Variants in SGMS1 observed in about 807,000 individuals in gnomAD.
SGMS1 encodes the protein phosphatidylcholine:ceramide cholinephosphotransferase 1.
SGMS1 carries 13 observed loss-of-function variants against 46.2 expected under a neutral mutation model. The observed-to-expected ratio is 0.28, with a 90% CI of 0.18 to 0.45. The LOEUF (loss-of-function observed/expected upper bound fraction) is 0.45. Ranked by LOEUF, SGMS1 falls within the 20% of genes least tolerant of loss-of-function variation. SGMS1 has a pLI of 1.00. For synonymous variants in SGMS1, 203 were observed against 187.8 expected (o/e 1.08, Z -0.66); for missense variants, 324 against 519.9 (o/e 0.62, Z 3.66).
intron 2 of SGMS1, among the ~76,000 whole-genome samples, chr10:50,551,664 A>G (rs569201892): frequency 3.3e-5 from 5 of 152,216 alleles, no homozygotes; most frequent in East Asian, 1.9e-4. Context: ...CTGTAAATCT[A>G]AAAGTATTCT....
chr10:50,519,363 C>G (rs924178030), intron 3 of SGMS1, among the ~76,000 whole-genome samples: 5 of 152,336 alleles, frequency 3.3e-5, no homozygotes, highest in Non-Finnish European at 7.3e-5. Flanking sequence ...CTGTTCAACT[C>G]CAGAGAAGAA....
intron 4 of SGMS1, among the ~76,000 whole-genome samples, chr10:50,462,871 C>T (rs994310509): frequency 6.6e-6 from 1 of 151,922 alleles, no homozygotes; most frequent in South Asian, 2.1e-4. Context: ...GCCTGTGAAG[C>T]AAAAAGCCAG....
chr10:50,469,950 TC>T (rs1264645857), intron 3 of SGMS1, among the ~76,000 whole-genome samples: 1 of 152,210 alleles, frequency 6.6e-6, no homozygotes, highest in East Asian at 1.9e-4. Context: ...ACTTATTACT[TC>T]CTCTTAGATT....
intron 6 of SGMS1, among the ~76,000 whole-genome samples, chr10:50,345,488 G>A (rs1275934999): frequency 3.9e-5 from 6 of 152,028 alleles, no homozygotes; most frequent in Admixed American, 1.3e-4. Flanking sequence ...ATAACCAAAT[G>A]CACATCTGTA....
chr10:50,453,968 A>ACAAAG (rs1293851791), intron 5 of SGMS1, among the ~76,000 whole-genome samples: 1 of 151,656 alleles, frequency 6.6e-6, no homozygotes, highest in Non-Finnish European at 1.5e-5. Flanking sequence ...ACTCCTAAAA[A>ACAAAG]CAAAGCAAAA....
chr10:50,315,751 T>A (rs901462767), intron 8 of SGMS1, among the ~76,000 whole-genome samples: 7 of 152,202 alleles, frequency 4.6e-5, no homozygotes, highest in Non-Finnish European at 1.0e-4. Context: ...ATAAAAACTT[T>A]CAGTGGATAC....
chr10:50,379,924 A>G (rs1848577290), intron 6 of SGMS1, among the ~76,000 whole-genome samples: 1 of 152,202 alleles, frequency 6.6e-6, no homozygotes, highest in African/African-American at 2.4e-5. Context: ...TGCCCATCTC[A>G]AGGCCTGAAG....
At chr10:50,522,328 TA>T (rs1021321047) in intron 2 of SGMS1, among the ~76,000 whole-genome samples, 30 of 149,656 alleles carry the variant, frequency 2.0e-4, no homozygotes, top group African/African-American at 3.9e-4. Context: ...TTTCTGATAT[TA>T]AAAAAAAAAT....
chr10:50,480,627 A>G (rs1350742144), intron 3 of SGMS1, among the ~76,000 whole-genome samples: 1 of 151,842 alleles, frequency 6.6e-6, no homozygotes. Context: ...GATCTGTGCA[A>G]CCGTGGATCT....
intron 6 of SGMS1, among the ~76,000 whole-genome samples, chr10:50,421,129 G>A (rs901333760): frequency 4.6e-5 from 7 of 152,064 alleles, no homozygotes; most frequent in Non-Finnish European, 1.0e-4. Flanking sequence ...TAAAGTACAC[G>A]GATTCTCAAC....
rs1220673384 is a variant in SGMS1, at chr10:50,307,196, T to C, written c.1188A>G (p.Pro396=). ...PRSYHWPFPW[P]VVHLSRQVKY... ...TAACTTGCCTACTGAGGTGGACTAC[T>C]GGCCAGGGGAAAGGCCAATGGTAAG... The change falls in exon 11 of 11, where the codon CCA becomes CCG. Residue 396 remains proline (P), a synonymous_variant. Coordinates refer to ENST00000361781, the MANE Select transcript of SGMS1 (RefSeq NM_147156.4). This position sits in a 1 kb window ranked among gnomAD's most constrained non-coding sequence, Gnocchi z 4.2. The C allele has an allele frequency of 1.2e-6, 2 of 1,614,152 alleles. No individual in the cohort carries two copies. Among genetic ancestry groups the C allele is most frequent in the East Asian group, 2.2e-5 (1 of 44,888 alleles).
intron 1 of SGMS1, among the ~76,000 whole-genome samples, chr10:50,607,278 T>C (rs1838706772): frequency 6.6e-6 from 1 of 151,948 alleles, no homozygotes. Context: ...CCACTGTACC[T>C]GGCCTAGCAT....
At chr10:50,389,170 T>A (rs576585296) in intron 6 of SGMS1, among the ~76,000 whole-genome samples, 2 of 152,230 alleles carry the variant, frequency 1.3e-5, no homozygotes. Flanking sequence ...CTCCCAAGAA[T>A]ACTATGGGTA....
chr10:50,581,834 C>A (rs184791878), intron 2 of SGMS1, among the ~76,000 whole-genome samples: 1 of 152,288 alleles, frequency 6.6e-6, no homozygotes, highest in East Asian at 1.9e-4. Flanking sequence ...GTGATGTGTC[C>A]AGACAGAAGT....
At chr10:50,366,356 G>A (rs1043659565) in intron 6 of SGMS1, among the ~76,000 whole-genome samples, 5 of 152,216 alleles carry the variant, frequency 3.3e-5, no homozygotes, top group African/African-American at 1.2e-4. Context: ...GTTGGTGGAA[G>A]TGTAAATTAG....
At chr10:50,530,082 C>A (rs181249757) in intron 2 of SGMS1, among the ~76,000 whole-genome samples, 26 of 152,300 alleles carry the variant, frequency 1.7e-4, no homozygotes, top group Non-Finnish European at 3.2e-4. Flanking sequence ...CTCCTGAAAA[C>A]CTGCACATTG....
intron 2 of SGMS1, among the ~76,000 whole-genome samples, chr10:50,572,105 C>T (rs1838341481): frequency 6.6e-6 from 1 of 152,158 alleles, no homozygotes; most frequent in Admixed American, 6.5e-5. Context: ...ATTCTCTGGC[C>T]CCTGACCACA....
chr10:50,309,589 C>T (rs1003748671), intron 9 of SGMS1, among the ~76,000 whole-genome samples: 6 of 152,166 alleles, frequency 3.9e-5, no homozygotes, highest in African/African-American at 1.2e-4. Context: ...TATGTGATTC[C>T]TACTGTCCAC....
At chr10:50,468,806 A>G (rs979148995) in intron 3 of SGMS1, among the ~76,000 whole-genome samples, 1 of 152,252 alleles carries the variant, frequency 6.6e-6, no homozygotes, top group Admixed American at 6.5e-5. Context: ...AGAAAATAAA[A>G]TATCTACCTT....
Sources: gnomAD v4.1 joint callset for allele counts (sites outside exome capture counted in the v4.1 genomes callset) on GRCh38, gnomAD v4.1.1 for gene constraint, Gnocchi (gnomAD v3.1) non-coding constraint, MANE v1.5 for transcripts, NCBI Gene and HGNC (gene_info 2026-07-23, HGNC 2026-07-21) for gene names.